PCDHGA2: variants seen among roughly 807,000 people sequenced by gnomAD.
PCDHGA2 encodes protocadherin gamma-A2.
PCDHGA2 carries 40 observed loss-of-function variants against 59.2 expected under a neutral mutation model. That is an observed-to-expected ratio of 0.68 (90% CI 0.52 to 0.88). The LOEUF is 0.88. PCDHGA2 is among the 40% of genes least tolerant of loss of function. PCDHGA2 has a pLI of 0.00. For synonymous variants in PCDHGA2, 560 were observed against 526.0 expected (o/e 1.06, Z -0.89); for missense variants, 1,226 against 1,204.0 (o/e 1.02, Z -0.27).
chr5:141,445,889 C>A (rs920382027), intron 1 of PCDHGA2, among the ~76,000 whole-genome samples: 6 of 152,110 alleles, frequency 3.9e-5, no homozygotes, highest in African/African-American at 1.4e-4. Context: ...TACTTAGGAG[C>A]TATTAAAATA....
At chr5:141,355,415 C>T (rs753835027) in intron 1 of PCDHGA2, 9 of 1,613,978 alleles carry the variant, frequency 5.6e-6, no homozygotes, top group African/African-American at 2.7e-5. Flanking sequence ...AGAGGTAGGA[C>T]GCAGCTTTTC....
At chr5:141,497,307 C>T (rs1295364802) in intron 2 of PCDHGA2, among the ~76,000 whole-genome samples, 1 of 152,096 alleles carries the variant, frequency 6.6e-6, no homozygotes, top group Non-Finnish European at 1.5e-5. Flanking sequence ...CCAGGCCATA[C>T]ACTGGCTTTG....
At chr5:141,499,127 A>G (rs1198571084) in intron 2 of PCDHGA2, among the ~76,000 whole-genome samples, 1 of 152,134 alleles carries the variant, frequency 6.6e-6, no homozygotes, top group Non-Finnish European at 1.5e-5. Flanking sequence ...TTCTCAGGTC[A>G]TCCTTTGGGT....
chr5:141,497,829 C>T (rs754594104), intron 2 of PCDHGA2, among the ~76,000 whole-genome samples: 147 of 152,160 alleles, frequency 9.7e-4, no homozygotes, highest in Non-Finnish European at 1.8e-3. Flanking sequence ...TGTGATCGCC[C>T]CCGGCCACAA....
intron 1 of PCDHGA2, chr5:141,374,947 C>T (rs768274787): frequency 6.2e-7 from 1 of 1,614,018 alleles, no homozygotes; most frequent in East Asian, 2.2e-5. Context: ...CAGAAAAGAT[C>T]TCACAAATTT....
intron 1 of PCDHGA2, chr5:141,377,510 T>C (rs990813838): frequency 6.6e-6 from 1 of 152,006 alleles, no homozygotes; most frequent in African/African-American, 2.4e-5. Context: ...ATAGGAGGAT[T>C]GCTTAAGTCC....
At chr5:141,377,416 G>A (rs1455830122) in intron 1 of PCDHGA2, 5 of 151,976 alleles carry the variant, frequency 3.3e-5, no homozygotes, top group Non-Finnish European at 5.9e-5. Context: ...GACCAGCCTG[G>A]GTGACTCTGT....
chr5:141,419,137 CA>C (rs1561778370), intron 1 of PCDHGA2: 1 of 1,613,892 alleles, frequency 6.2e-7, no homozygotes, highest in African/African-American at 1.3e-5. Flanking sequence ...CAGCCACAGA[CA>C]GGGGCAAGCC....
At chr5:141,383,657 A>G in intron 1 of PCDHGA2, 2 of 1,614,058 alleles carry the variant, frequency 1.2e-6, no homozygotes, top group Non-Finnish European at 1.7e-6. Context: ...ACTGTCCCCG[A>G]GAATGTGCCA....
intron 1 of PCDHGA2, chr5:141,344,030 G>C (rs756820542): frequency 6.5e-7 from 1 of 1,539,408 alleles, no homozygotes; most frequent in Non-Finnish European, 8.7e-7. Flanking sequence ...TCACCGAAAA[G>C]GAAATGACCA....
rs758266181 is a variant in PCDHGA2 at position 141,476,561 on chromosome 5, G to A, written c.2425-18246G>A. 1.9e-6 allele frequency: 3 copies of A among 1,614,100 alleles called. No homozygotes were observed. The highest frequency in any genetic ancestry group is 2.5e-6 in the Non-Finnish European group (3 of 1,180,050). Reference sequence around the variant, plus strand: ...GAAATTGGAGATTAGCGAGGCCGTGGCTCCGGGGACGCGCTTTCCGCTCGA... The same window carrying A: ...GAAATTGGAGATTAGCGAGGCCGTGACTCCGGGGACGCGCTTTCCGCTCGA... On this transcript the variant is annotated intron_variant, in intron 1 of 3. Coordinates refer to ENST00000394576, the MANE Select transcript of PCDHGA2 (RefSeq NM_018915.4). This position sits in a 1 kb window ranked among gnomAD's most constrained non-coding sequence, Gnocchi z 7.6.
chr5:141,393,001 G>A (rs775192271), intron 1 of PCDHGA2: 1 of 1,613,908 alleles, frequency 6.2e-7, no homozygotes, highest in South Asian at 1.1e-5. Flanking sequence ...GCGAAGCACG[G>A]AGTCCGTATC....
At chr5:141,381,785 G>A (rs1349926565) in intron 1 of PCDHGA2, among the ~76,000 whole-genome samples, 1 of 149,782 alleles carries the variant, frequency 6.7e-6, no homozygotes, top group Non-Finnish European at 1.5e-5. Context: ...CAGGAACAAG[G>A]CAAGGCAATT....
chr5:141,394,238 T>G, intron 1 of PCDHGA2: 1 of 1,613,934 alleles, frequency 6.2e-7, no homozygotes, highest in Non-Finnish European at 8.5e-7. Context: ...TTTCCTTGAC[T>G]GCACACGACC....
chr5:141,376,217 CT>C (rs1370033371), intron 1 of PCDHGA2: 2 of 1,614,210 alleles, frequency 1.2e-6, no homozygotes, highest in East Asian at 4.5e-5. Flanking sequence ...CATCGTGCTG[CT>C]GGCGCTCAGA....
At chr5:141,396,847 T>G (rs2093444333) in intron 1 of PCDHGA2, among the ~76,000 whole-genome samples, 1 of 152,190 alleles carries the variant, frequency 6.6e-6, no homozygotes. Context: ...GGGAGTTAAC[T>G]TCATAGTTTG....
chr5:141,461,323 T>C (rs2099013372), intron 1 of PCDHGA2, among the ~76,000 whole-genome samples: 1 of 152,176 alleles, frequency 6.6e-6, no homozygotes, highest in African/African-American at 2.4e-5. Context: ...TTTTTAATAA[T>C]GGCCATTCTT....
At chr5:141,355,940 A>T in intron 1 of PCDHGA2, 1 of 1,613,912 alleles carries the variant, frequency 6.2e-7, no homozygotes, top group East Asian at 2.2e-5. Context: ...CAGCCCGAGT[A>T]CCACGTAAGT....
chr5:141,458,972 GTCC>G (rs2154566422), intron 1 of PCDHGA2, among the ~76,000 whole-genome samples: 1 of 151,882 alleles, frequency 6.6e-6, no homozygotes, highest in East Asian at 1.9e-4. Context: ...GCCTCAAGCA[GTCC>G]TCCTGCCTCA....
Sources: allele counts gnomAD v4.1 joint callset (sites outside exome capture counted in the v4.1 genomes callset), GRCh38; gene constraint gnomAD v4.1.1; non-coding constraint Gnocchi (gnomAD v3.1); transcripts MANE v1.5; gene names NCBI Gene and HGNC (gene_info 2026-07-23, HGNC 2026-07-21).